Variants in HDAC8 observed in about 807,000 individuals in gnomAD.
HDAC8 encodes the protein histone deacetylase-like 1.
Under a neutral mutation model 32.2 loss-of-function variants are expected in HDAC8, and 1 was observed. That is an observed-to-expected ratio of 0.03 (90% CI 0.01 to 0.15). The LOEUF is 0.15. Ranked by LOEUF, HDAC8 falls within the 10% of genes least tolerant of loss-of-function variation. HDAC8 has a pLI of 1.00. For missense variants in HDAC8, 117 were observed against 300.0 expected (o/e 0.39, Z 4.51); for synonymous variants, 108 against 113.9 (o/e 0.95, Z 0.33).
chrX:72,332,892 T>G, intron 10 of HDAC8, among the ~76,000 whole-genome samples: 1 of 110,914 alleles, frequency 9.0e-6, no homozygotes, highest in East Asian at 2.8e-4. Flanking sequence ...CCTCAAATAA[T>G]CCACCCGCCT....
chrX:72,445,921 A>G (rs1555984574), intron 9 of HDAC8, among the ~76,000 whole-genome samples: 2 of 112,346 alleles, frequency 1.8e-5, no homozygotes, highest in African/African-American at 3.2e-5. Context: ...GCAGCCAAAA[A>G]ACACATGAAA....
Position 72,461,984 on chromosome X carries a change from C to T in HDAC8, c.1005+20G>A. 1 of 1,142,549 alleles carries T rather than the reference C, an allele frequency of 8.8e-7. No homozygotes were observed. Among genetic ancestry groups the T allele is most frequent in the Non-Finnish European group, 1.2e-6 (1 of 833,402 alleles). 94.2% of individuals were successfully genotyped at this position (1,142,549 alleles called of 1,213,427 possible). A position where few individuals can be genotyped will look rare whatever the true frequency, so the allele number is the denominator to read the frequency against. On this transcript the variant is annotated intron_variant, in intron 9 of 10. Coordinates refer to ENST00000373573, the MANE Select transcript of HDAC8 (RefSeq NM_018486.3). ...GCTCTTCCCCTTAAAGAAGAGAGGA[C>T]TTGTCAGAGCCTTACTTACCTCATG...
At chrX:72,559,379 T>G (rs1267505607) in intron 4 of HDAC8, among the ~76,000 whole-genome samples, 5 of 110,501 alleles carry the variant, frequency 4.5e-5, no homozygotes, top group Admixed American at 3.8e-4. Flanking sequence ...GTGCTCAATG[T>G]TGCCCAGGCT....
chrX:72,475,769 G>GA (rs201055093), intron 7 of HDAC8, among the ~76,000 whole-genome samples: 8,674 of 106,965 alleles, frequency 0.081, 822 homozygotes, highest in African/African-American at 0.27. Context: ...AAACATGAAA[G>GA]AAAAAAAAAC....
chrX:72,485,648 G>A (rs1466952853), intron 7 of HDAC8, among the ~76,000 whole-genome samples: 1 of 106,350 alleles, frequency 9.4e-6, no homozygotes, highest in East Asian at 2.9e-4. Context: ...AAGGAAGGAA[G>A]AAAAGTAAAA....
At chrX:72,545,519 G>A (rs962434294) in intron 4 of HDAC8, among the ~76,000 whole-genome samples, 1 of 111,812 alleles carries the variant, frequency 8.9e-6, no homozygotes, top group Non-Finnish European at 1.9e-5. Flanking sequence ...TGATGGAGCT[G>A]GGATTCCCTG....
rs1341929699 is a variant in HDAC8 at position 72,570,492 on chromosome X, C to G, written c.164+1565G>C. Among the ~76,000 whole-genome samples the G allele has an allele frequency of 2.7e-5, 3 of 109,270 alleles. No individual in the cohort carries two copies. The South Asian group carries it at 1.2e-3, about 45-fold the overall frequency. The allele number at this position is 109,270 out of a possible 115,157, so 94.9% of individuals were successfully genotyped here. A position where few individuals can be genotyped will look rare whatever the true frequency, so the allele number is the denominator to read the frequency against. On this transcript the variant is annotated intron_variant, in intron 2 of 10. Coordinates refer to ENST00000373573, the MANE Select transcript of HDAC8 (RefSeq NM_018486.3). ...GGTGTGGTGACACGTGCCTGTAGTC[C>G]CAGCTACTCGGGAGGCTGAGGCAGG... is the stretch of plus-strand genomic sequence containing the variant.
chrX:72,524,946 C>T (rs1490563748), intron 4 of HDAC8, among the ~76,000 whole-genome samples: 2 of 111,730 alleles, frequency 1.8e-5, no homozygotes, highest in East Asian at 2.8e-4. Flanking sequence ...GGGCTGGTTT[C>T]GTGGAAGACA....
In HDAC8 at chrX:72,461,184, G is replaced by A. The variant is rs781801492; in HGVS notation, c.1005+820C>T. Among the ~76,000 whole-genome samples, 26 of 111,974 alleles carry A rather than the reference G, an allele frequency of 2.3e-4. No homozygotes were observed. In the South Asian group the frequency reaches 9.9e-3, roughly 43 times the overall value. On this transcript the variant is annotated intron_variant, in intron 9 of 10. Coordinates refer to ENST00000373573, the MANE Select transcript of HDAC8 (RefSeq NM_018486.3). ...TCCTTGGGAAATAGCTTGAGAAGGT[G>A]GGGCTGCATGTACTGGTTTGTTATT...
At chrX:72,451,829 T>C (rs188772360) in intron 9 of HDAC8, among the ~76,000 whole-genome samples, 96 of 112,306 alleles carry the variant, frequency 8.5e-4, no homozygotes, top group African/African-American at 3.1e-3. Context: ...AAGATACTGA[T>C]TCCTGAAAGA....
chrX:72,564,570 A>G (rs1256958865), intron 4 of HDAC8, among the ~76,000 whole-genome samples: 1 of 112,317 alleles, frequency 8.9e-6, no homozygotes, highest in African/African-American at 3.2e-5. Context: ...TTTTTTAAAT[A>G]TTTAACTTTT....
intron 9 of HDAC8, among the ~76,000 whole-genome samples, chrX:72,403,918 T>A (rs2045972315): frequency 9.0e-6 from 1 of 111,288 alleles, no homozygotes; most frequent in Admixed American, 9.6e-5. Flanking sequence ...ACCCCAAACC[T>A]CACCATCATG....
chrX:72,558,489 T>C (rs995490013), intron 4 of HDAC8, among the ~76,000 whole-genome samples: 12 of 112,115 alleles, frequency 1.1e-4, no homozygotes, highest in Admixed American at 3.8e-4. Context: ...AAAAATCGCA[T>C]GATCATCTCA....
intron 9 of HDAC8, among the ~76,000 whole-genome samples, chrX:72,361,169 C>T (rs1217993281): frequency 8.9e-6 from 1 of 111,910 alleles, no homozygotes; most frequent in African/African-American, 3.3e-5. Flanking sequence ...ACTCATTTTA[C>T]CTCTGAACAC....
intron 9 of HDAC8, among the ~76,000 whole-genome samples, chrX:72,458,203 A>G (rs1333478310): frequency 1.8e-5 from 2 of 112,561 alleles, no homozygotes; most frequent in Admixed American, 9.3e-5. Flanking sequence ...TACAAGCTCC[A>G]TTCTTCTCAG....
intron 9 of HDAC8, among the ~76,000 whole-genome samples, chrX:72,444,554 C>T (rs1602885279): frequency 1.9e-5 from 2 of 103,653 alleles, no homozygotes; most frequent in Non-Finnish European, 4.0e-5. Context: ...TAAGAGCTAT[C>T]TATGACAAAC....
intron 4 of HDAC8, among the ~76,000 whole-genome samples, chrX:72,547,954 C>G (rs1209576667): frequency 9.0e-6 from 1 of 111,453 alleles, no homozygotes; most frequent in Non-Finnish European, 1.9e-5. Flanking sequence ...TTGCTTTTAT[C>G]TCTTAAAGCT....
At chrX:72,374,975 C>T (rs1240943981) in intron 9 of HDAC8, among the ~76,000 whole-genome samples, 2 of 110,046 alleles carry the variant, frequency 1.8e-5, no homozygotes, top group Non-Finnish European at 1.9e-5. Context: ...TGCACCACCA[C>T]ACCCAGCTAA....
intron 4 of HDAC8, among the ~76,000 whole-genome samples, chrX:72,534,501 G>T (rs2050457859): frequency 9.1e-6 from 1 of 109,509 alleles, no homozygotes; most frequent in Admixed American, 9.7e-5. Context: ...TAGAGATGGG[G>T]TTTTGCCATG....
Sources: allele counts gnomAD v4.1 joint callset (sites outside exome capture counted in the v4.1 genomes callset), GRCh38; gene constraint gnomAD v4.1.1; transcripts MANE v1.5; gene names NCBI Gene and HGNC (gene_info 2026-07-23, HGNC 2026-07-21).